TMEM178A: variants seen among roughly 807,000 people sequenced by gnomAD.
TMEM178A encodes the protein transmembrane protein 178A.
A neutral mutation model predicts 29.1 loss-of-function variants in TMEM178A; 12 were observed. The ratio of observed to expected loss-of-function variants is 0.41; its 90% CI spans 0.26 to 0.67. TMEM178A has a LOEUF of 0.67. TMEM178A is among the 30% of genes least tolerant of loss of function. The pLI, the probability that TMEM178A is intolerant of heterozygous loss-of-function variation, is 0.29. For missense variants in TMEM178A, 366 were observed against 419.1 expected, an observed-to-expected ratio of 0.87 and a Z score of 1.11; for synonymous variants, 210 against 187.2, an observed-to-expected ratio of 1.12 and a Z score of -0.99.
the TMEM178A span, among the ~76,000 whole-genome samples, chr2:39,727,011 T>C: frequency 6.6e-5 from 10 of 152,254 alleles, no homozygotes; most frequent in Non-Finnish European, 1.3e-4. Context: ...ATGCACGTTT[T>C]GAGTTGTTTC....
At chr2:39,695,323 C>T (rs993323825) in intron 1 of TMEM178A, among the ~76,000 whole-genome samples, 31 of 151,848 alleles carry the variant, frequency 2.0e-4, no homozygotes, top group Non-Finnish European at 3.1e-4. Context: ...TTGCCATCAA[C>T]TGTTTCAGAC....
chr2:39,712,292 A>G (rs1672345154), intron 3 of TMEM178A, among the ~76,000 whole-genome samples: 1 of 152,150 alleles, frequency 6.6e-6, no homozygotes, highest in South Asian at 2.1e-4. Flanking sequence ...AGCAGGCTAA[A>G]CAGGGTGAAG....
chr2:39,695,801 C>A (rs756776039), intron 1 of TMEM178A, among the ~76,000 whole-genome samples: 15 of 151,892 alleles, frequency 9.9e-5, no homozygotes, highest in African/African-American at 2.7e-4. Flanking sequence ...TCTGAGGGAC[C>A]GCGTGTGATT....
the TMEM178A span, among the ~76,000 whole-genome samples, chr2:39,734,071 T>C: frequency 6.6e-6 from 1 of 152,228 alleles, no homozygotes; most frequent in Non-Finnish European, 1.5e-5. Flanking sequence ...ACTACTCCTA[T>C]TTCTTTGCTC....
At chr2:39,715,949 C>G (rs1251609615) in intron 3 of TMEM178A, among the ~76,000 whole-genome samples, 1 of 152,194 alleles carries the variant, frequency 6.6e-6, no homozygotes, top group Non-Finnish European at 1.5e-5. Context: ...TTTTAGCTCT[C>G]TCTTTTCAGT....
intron 1 of TMEM178A, among the ~76,000 whole-genome samples, chr2:39,690,303 T>TA (rs1671259147): frequency 1.3e-5 from 2 of 152,192 alleles, no homozygotes; most frequent in Non-Finnish European, 2.9e-5. Context: ...TCTGTGTATA[T>TA]CCCTAAGTGG....
At chr2:39,729,259 G>T in the TMEM178A span, among the ~76,000 whole-genome samples, 1 of 152,288 alleles carries the variant, frequency 6.6e-6, no homozygotes, top group East Asian at 1.9e-4. Context: ...GCTGAATGCT[G>T]TCCTCTACCC....
chr2:39,722,884 T>C (rs2148125580), downstream of TMEM178A, among the ~76,000 whole-genome samples: 1 of 152,300 alleles, frequency 6.6e-6, no homozygotes, highest in African/African-American at 2.4e-5. Flanking sequence ...AACTGTACCC[T>C]CAAGTTCATC....
At chr2:39,670,756 C>G (rs771795583) in intron 1 of TMEM178A, among the ~76,000 whole-genome samples, 2 of 152,146 alleles carry the variant, frequency 1.3e-5, no homozygotes, top group African/African-American at 2.4e-5. Context: ...TTATGTAGAA[C>G]TTTGGAGAAA....
intron 1 of TMEM178A, among the ~76,000 whole-genome samples, chr2:39,685,867 C>G (rs554178664): frequency 4.3e-4 from 66 of 152,336 alleles, no homozygotes; most frequent in Non-Finnish European, 8.5e-4. Context: ...CAGGCCATCT[C>G]TGAGGAAGTG....
chr2:39,669,281 G>T (rs1302667637), intron 1 of TMEM178A, among the ~76,000 whole-genome samples: 1 of 152,160 alleles, frequency 6.6e-6, no homozygotes, highest in African/African-American at 2.4e-5. Flanking sequence ...GGAAGAAAAT[G>T]TAGAGTTGAT....
the TMEM178A span, among the ~76,000 whole-genome samples, chr2:39,724,411 ACAT>A: frequency 1.3e-5 from 2 of 152,170 alleles, no homozygotes; most frequent in Non-Finnish European, 2.9e-5. Context: ...TAATAACCAC[ACAT>A]TTAAGAAGCC....
rs1277770518 is a variant in TMEM178A at position 39,717,072 on chromosome 2, C to T, written c.715C>T (p.Leu239Phe). 1 of 1,610,896 alleles carries T rather than the reference C, an allele frequency of 6.2e-7. No homozygotes were observed. Among genetic ancestry groups the T allele is most frequent in the Non-Finnish European group, 8.5e-7 (1 of 1,179,542 alleles). The change falls in exon 4 of 4, where the codon CTC becomes TTC. Residue 239 changes from leucine (L) to phenylalanine (F), a missense_variant. Around this residue, in one of 2 missense-constraint regions of TMEM178A, gnomAD observed 119 missense variants for 172.2 expected, o/e 0.69. Coordinates refer to ENST00000281961, the MANE Select transcript of TMEM178A (RefSeq NM_152390.3). ...AASISYDLNR[L>F]PKLIYSLPAD... ...CAGTATCTCGTATGATTTGAACCGG[C>T]TCCCAAAGCTAATTTATAGCCTGCC...
At chr2:39,716,674 C>G (rs1672553584) in intron 3 of TMEM178A, among the ~76,000 whole-genome samples, 1 of 152,076 alleles carries the variant, frequency 6.6e-6, no homozygotes, top group African/African-American at 2.4e-5. Context: ...AGAAGTTTTT[C>G]TCTTAAAAAT....
At chr2:39,689,835 G>C (rs892651081) in intron 1 of TMEM178A, among the ~76,000 whole-genome samples, 2 of 152,312 alleles carry the variant, frequency 1.3e-5, no homozygotes, top group Admixed American at 1.3e-4. Flanking sequence ...GTCCAGTGGA[G>C]AGATTCTAGA....
upstream of TMEM178A, chr2:39,665,859 G>GAGGTGGGGGGC (rs1670119835): frequency 2.1e-6 from 2 of 951,930 alleles, no homozygotes; most frequent in South Asian, 2.9e-5. Context: ...CCGTAGGAGG[G>GAGGTGGGGGGC]AGGTGGGGGG....
intron 1 of TMEM178A, chr2:39,687,207 C>G (rs1330371228): frequency 6.0e-6 from 1 of 166,014 alleles, no homozygotes; most frequent in East Asian, 1.9e-4. Context: ...GACCAGATGG[C>G]TATTCATATT....
At chr2:39,726,862 G>A in the TMEM178A span, among the ~76,000 whole-genome samples, 1 of 152,156 alleles carries the variant, frequency 6.6e-6, no homozygotes, top group East Asian at 1.9e-4. Flanking sequence ...TCTCGAGCAG[G>A]CAGTTTCTCA....
the TMEM178A span, among the ~76,000 whole-genome samples, chr2:39,733,747 A>AT: frequency 6.6e-6 from 1 of 152,158 alleles, no homozygotes; most frequent in Non-Finnish European, 1.5e-5. Flanking sequence ...TTTTTCATAA[A>AT]TTGTTATTTT....
Sources: gnomAD v4.1 joint callset for allele counts (sites outside exome capture counted in the v4.1 genomes callset) on GRCh38, gnomAD v4.1.1 for gene constraint, gnomAD v4.1.1 regional missense constraint, MANE v1.5 for transcripts, NCBI Gene and HGNC (gene_info 2026-07-23, HGNC 2026-07-21) for gene names.